PCDH9: variants seen among roughly 807,000 people sequenced by gnomAD.
PCDH9 encodes the protein protocadherin-9.
A neutral mutation model predicts 70.6 loss-of-function variants in PCDH9; 24 were observed. The observed-to-expected ratio is 0.34, with a 90% CI of 0.25 to 0.48. The LOEUF (loss-of-function observed/expected upper bound fraction) is 0.48. Ranked by LOEUF, PCDH9 falls within the 20% of genes least tolerant of loss-of-function variation. The probability of loss-of-function intolerance (pLI) is 0.99; values close to 1 mark genes in which losing one functional copy is unlikely to be tolerated. For missense variants in PCDH9, 1,281 were observed against 1,503.6 expected, an observed-to-expected ratio of 0.85 and a Z score of 2.45; for synonymous variants, 562 against 558.5, an observed-to-expected ratio of 1.01 and a Z score of -0.09.
chr13:66,654,074 C>T (rs1458991679), intron 3 of PCDH9, among the ~76,000 whole-genome samples: 1 of 151,902 alleles, frequency 6.6e-6, no homozygotes, highest in Non-Finnish European at 1.5e-5. Context: ...CAGGATCAAC[C>T]TGAAGTGTCC....
intron 3 of PCDH9, among the ~76,000 whole-genome samples, chr13:66,634,870 A>G (rs2077617139): frequency 6.6e-6 from 1 of 152,092 alleles, no homozygotes; most frequent in Non-Finnish European, 1.5e-5. Flanking sequence ...CATGCAACCT[A>G]TTGATCTTGT....
At chr13:66,656,952 C>T (rs1341579136) in intron 3 of PCDH9, among the ~76,000 whole-genome samples, 2 of 152,018 alleles carry the variant, frequency 1.3e-5, no homozygotes, top group African/African-American at 4.8e-5. Flanking sequence ...GAGTATAAAG[C>T]AGAAATAGCT....
intron 3 of PCDH9, among the ~76,000 whole-genome samples, chr13:66,855,409 T>C (rs1389982929): frequency 2.6e-5 from 4 of 152,108 alleles, no homozygotes; most frequent in Non-Finnish European, 5.9e-5. Context: ...TAATATGTGC[T>C]GAGTGCTGAC....
intron 4 of PCDH9, among the ~76,000 whole-genome samples, chr13:66,359,799 A>T (rs1010844705): frequency 6.6e-6 from 1 of 152,024 alleles, no homozygotes; most frequent in African/African-American, 2.4e-5. Context: ...CATTCAGTTT[A>T]TTCATTTAGG....
intron 3 of PCDH9, among the ~76,000 whole-genome samples, chr13:66,817,433 T>C (rs1437316392): frequency 6.6e-6 from 1 of 152,164 alleles, no homozygotes; most frequent in Non-Finnish European, 1.5e-5. Flanking sequence ...CCCTTCACAA[T>C]ATTCTACAGC....
chr13:66,903,413 CAATAAT>C, intron 3 of PCDH9, 85 bp downstream of exon 3: 1 of 499,544 alleles, frequency 2.0e-6, no homozygotes, highest in Non-Finnish European at 3.7e-6. Context: ...TGGGCAAAGA[CAATAAT>C]ACTAATTAAG....
intron 3 of PCDH9, among the ~76,000 whole-genome samples, chr13:66,635,349 A>T (rs944617087): frequency 6.6e-6 from 1 of 152,184 alleles, no homozygotes; most frequent in Admixed American, 6.5e-5. Flanking sequence ...TTGAGAAAGA[A>T]TAGGATGAAA....
intron 2 of PCDH9, among the ~76,000 whole-genome samples, chr13:67,034,023 C>T (rs1208572089): frequency 6.6e-6 from 1 of 152,090 alleles, no homozygotes; most frequent in African/African-American, 2.4e-5. Context: ...CTTGCTCTGT[C>T]GCTCAGGCTG....
At chr13:66,495,152 A>T (rs1959093905) in intron 4 of PCDH9, among the ~76,000 whole-genome samples, 1 of 152,182 alleles carries the variant, frequency 6.6e-6, no homozygotes, top group African/African-American at 2.4e-5. Context: ...TATGACTAAA[A>T]ATTTTCATAA....
chr13:66,594,977 TAG>T (rs2077084449), intron 4 of PCDH9, among the ~76,000 whole-genome samples: 2 of 145,576 alleles, frequency 1.4e-5, no homozygotes, highest in East Asian at 3.9e-4. Flanking sequence ...TTCTTTTTCT[TAG>T]AGCATTTACT....
At chr13:66,762,643 G>T (rs1208623160) in intron 3 of PCDH9, among the ~76,000 whole-genome samples, 3 of 151,946 alleles carry the variant, frequency 2.0e-5, no homozygotes, top group African/African-American at 7.3e-5. Flanking sequence ...AGGTAGTTTT[G>T]TGCATGTATA....
At chr13:66,864,421 C>T (rs950969483) in intron 3 of PCDH9, among the ~76,000 whole-genome samples, 1 of 152,090 alleles carries the variant, frequency 6.6e-6, no homozygotes, top group Non-Finnish European at 1.5e-5. Flanking sequence ...TGACACAAGA[C>T]CAACTTTATT....
At chr13:66,831,955 G>A (rs1442004) in intron 3 of PCDH9, among the ~76,000 whole-genome samples, 51,999 of 151,910 alleles carry the variant, frequency 0.34, 9,794 homozygotes, top group Non-Finnish European at 0.43. Context: ...TTTTTTAGGG[G>A]ACATAACATT....
At chr13:67,126,488 TC>T (rs2086983071) in intron 2 of PCDH9, among the ~76,000 whole-genome samples, 1 of 152,180 alleles carries the variant, frequency 6.6e-6, no homozygotes, top group African/African-American at 2.4e-5. Context: ...GCATTTATGA[TC>T]CTGTATCCTG....
At position 66,457,806 on chromosome 13, in the gene PCDH9, C is replaced by T. The variant is rs552022823; in HGVS notation, c.3341-152778G>A. Among the ~76,000 whole-genome samples the T allele has an allele frequency of 3.3e-5, 5 of 152,120 alleles. No homozygotes were observed. The East Asian group carries it at 9.7e-4, about 29-fold the overall frequency. On this transcript the variant is annotated intron_variant, in intron 4 of 4. Coordinates refer to ENST00000377865, the MANE Select transcript of PCDH9 (RefSeq NM_203487.3). ...CACTAACTTAACTCACATCATCTTCCTCTAGAAAGTTTTCCTTGAAAAAGT... is the reference window on the plus strand; with the variant it reads ...CACTAACTTAACTCACATCATCTTCTTCTAGAAAGTTTTCCTTGAAAAAGT...
chr13:66,744,863 A>G (rs947955941), intron 3 of PCDH9, among the ~76,000 whole-genome samples: 1 of 152,094 alleles, frequency 6.6e-6, no homozygotes, highest in Admixed American at 6.6e-5. Context: ...CTATTTCCTC[A>G]CCTCCAGGAA....
At chr13:66,946,569 G>C (rs996344732) in intron 2 of PCDH9, among the ~76,000 whole-genome samples, 45 of 151,978 alleles carry the variant, frequency 3.0e-4, no homozygotes, top group African/African-American at 1.0e-3. Flanking sequence ...TAAATATTTG[G>C]TACTAATCAT....
chr13:66,706,878 C>T (rs1356475927), intron 3 of PCDH9, among the ~76,000 whole-genome samples: 2 of 152,204 alleles, frequency 1.3e-5, no homozygotes, highest in Non-Finnish European at 2.9e-5. Flanking sequence ...GGGCATCTCA[C>T]TCAGTCATGG....
chr13:66,977,347 T>C (rs1339902750), intron 2 of PCDH9: 3 of 152,030 alleles, frequency 2.0e-5, no homozygotes, highest in African/African-American at 7.2e-5. Flanking sequence ...GGCTGTACTA[T>C]AAACGGCAGC....
Sources: allele counts gnomAD v4.1 joint callset (sites outside exome capture counted in the v4.1 genomes callset), GRCh38; gene constraint gnomAD v4.1.1; transcripts MANE v1.5; gene names NCBI Gene and HGNC (gene_info 2026-07-23, HGNC 2026-07-21).